IQCM: variants seen among roughly 807,000 people sequenced by gnomAD.
The protein encoded by IQCM is IQ domain-containing protein M.
A neutral mutation model predicts 57.6 loss-of-function variants in IQCM; 45 were observed. The observed-to-expected ratio is 0.78, with a 90% confidence interval of 0.62 to 1.00. The LOEUF (loss-of-function observed/expected upper bound fraction) is 1.00. IQCM is among the 50% of genes least tolerant of loss of function. IQCM has a pLI of 0.00. For synonymous variants in IQCM, 148 were observed against 158.9 expected (o/e 0.93, Z 0.51); for missense variants, 468 against 511.6 (o/e 0.91, Z 0.82).
intron 2 of IQCM, among the ~76,000 whole-genome samples, chr4:149,791,448 T>C (rs1239474696): frequency 6.6e-6 from 1 of 152,158 alleles, no homozygotes; most frequent in Non-Finnish European, 1.5e-5. Context: ...TTCCACTCTT[T>C]TCATTATTTT....
chr4:149,445,313 T>C (rs1055021194), intron 12 of IQCM, among the ~76,000 whole-genome samples: 1 of 151,868 alleles, frequency 6.6e-6, no homozygotes, highest in South Asian at 2.1e-4. Flanking sequence ...TGTAAGTTAG[T>C]TGTAACCACA....
intron 12 of IQCM, among the ~76,000 whole-genome samples, chr4:149,453,438 C>A (rs985651850): frequency 2.0e-5 from 3 of 151,574 alleles, no homozygotes; most frequent in African/African-American, 7.3e-5. Context: ...AAAAGACAAC[C>A]CATAGACTAG....
chr4:149,610,052 C>T (rs1470779608), intron 8 of IQCM, among the ~76,000 whole-genome samples: 2 of 151,856 alleles, frequency 1.3e-5, no homozygotes, highest in African/African-American at 2.4e-5. Flanking sequence ...ATAAAATCAA[C>T]TTACGAAAAT....
At chr4:149,685,615 T>C (rs1324959287) in intron 6 of IQCM, among the ~76,000 whole-genome samples, 1 of 151,490 alleles carries the variant, frequency 6.6e-6, no homozygotes, top group African/African-American at 2.4e-5. Flanking sequence ...TTGCCAGCAT[T>C]TCCTCAACTA....
intron 9 of IQCM, among the ~76,000 whole-genome samples, chr4:149,564,863 C>A (rs560326144): frequency 3.3e-5 from 5 of 152,210 alleles, no homozygotes; most frequent in Admixed American, 2.0e-4. Context: ...AACCCTAATA[C>A]AGTGACCCTA....
At chr4:149,400,508 C>T (rs1018696683) in intron 13 of IQCM, among the ~76,000 whole-genome samples, 10 of 151,904 alleles carry the variant, frequency 6.6e-5, no homozygotes, top group African/African-American at 2.2e-4. Context: ...ACATACATTC[C>T]TAACCAATAT....
chr4:149,436,248 A>G (rs146046158), intron 12 of IQCM, among the ~76,000 whole-genome samples: 3 of 152,140 alleles, frequency 2.0e-5, no homozygotes, highest in African/African-American at 7.2e-5. Context: ...CTGTGTTACA[A>G]TTATTTACCT....
intron 8 of IQCM, among the ~76,000 whole-genome samples, chr4:149,620,089 G>T (rs1334526779): frequency 1.3e-5 from 2 of 152,086 alleles, no homozygotes; most frequent in Admixed American, 1.3e-4. Flanking sequence ...CCCGGCAGGT[G>T]GAGGTTGCGG....
At chr4:149,371,544 T>C (rs1730369147) in intron 13 of IQCM, among the ~76,000 whole-genome samples, 1 of 152,206 alleles carries the variant, frequency 6.6e-6, no homozygotes, top group African/African-American at 2.4e-5. Context: ...AGAAGGCTGA[T>C]GGAATTACCT....
At chr4:149,704,478 T>A (rs1255528946) in intron 5 of IQCM, among the ~76,000 whole-genome samples, 2 of 151,882 alleles carry the variant, frequency 1.3e-5, no homozygotes, top group African/African-American at 2.4e-5. Flanking sequence ...GTGACAGAGA[T>A]CATACGGCCC....
intron 7 of IQCM, among the ~76,000 whole-genome samples, chr4:149,664,890 T>C (rs1760567617): frequency 6.6e-6 from 1 of 152,162 alleles, no homozygotes; most frequent in South Asian, 2.1e-4. Context: ...CAGCTGGCTA[T>C]GCTATGCCAG....
At chr4:149,579,752 A>G (rs143748769) in intron 9 of IQCM, among the ~76,000 whole-genome samples, 1 of 151,922 alleles carries the variant, frequency 6.6e-6, no homozygotes, top group Non-Finnish European at 1.5e-5. Context: ...GCTAAATAAC[A>G]CTTGACTTGG....
At chr4:149,783,534 C>T (rs1771805863) in intron 2 of IQCM, among the ~76,000 whole-genome samples, 1 of 152,146 alleles carries the variant, frequency 6.6e-6, no homozygotes, top group African/African-American at 2.4e-5. Flanking sequence ...AAATTCAGAT[C>T]AAGTCACTGC....
intron 12 of IQCM, among the ~76,000 whole-genome samples, chr4:149,469,803 A>T (rs1378118098): frequency 6.6e-6 from 1 of 152,256 alleles, no homozygotes; most frequent in Non-Finnish European, 1.5e-5. Context: ...GCGAGAAGAG[A>T]GTGGAGACCA....
intron 13 of IQCM, among the ~76,000 whole-genome samples, chr4:149,386,366 C>T (rs1014180861): frequency 6.6e-6 from 1 of 151,994 alleles, no homozygotes; most frequent in Non-Finnish European, 1.5e-5. Flanking sequence ...ATGTAACAAA[C>T]TCCATGTACT....
intron 8 of IQCM, among the ~76,000 whole-genome samples, chr4:149,604,625 A>G (rs775821307): frequency 4.6e-5 from 7 of 152,324 alleles, no homozygotes; most frequent in Middle Eastern, 6.8e-3. Flanking sequence ...TTTCATTTGT[A>G]TTCAACATCC....
At chr4:149,720,975 CTAGTCT>C (rs1357263864) in intron 5 of IQCM, among the ~76,000 whole-genome samples, 1 of 152,034 alleles carries the variant, frequency 6.6e-6, no homozygotes. Flanking sequence ...GTTATGGCTC[CTAGTCT>C]TAAATTCTTC....
At chr4:149,456,101 G>C (rs997237391) in intron 12 of IQCM, among the ~76,000 whole-genome samples, 7 of 152,082 alleles carry the variant, frequency 4.6e-5, no homozygotes, top group African/African-American at 1.7e-4. Context: ...TTTACTTAAT[G>C]TAAGTTTTAC....
At chr4:149,566,035 T>C (rs1750601132) in intron 9 of IQCM, among the ~76,000 whole-genome samples, 1 of 152,212 alleles carries the variant, frequency 6.6e-6, no homozygotes, top group African/African-American at 2.4e-5. Flanking sequence ...TTTGTATTTG[T>C]TTGTTTAAAT....
Sources: gnomAD v4.1 joint callset for allele counts (sites outside exome capture counted in the v4.1 genomes callset) on GRCh38, gnomAD v4.1.1 for gene constraint, MANE v1.5 for transcripts, NCBI Gene and HGNC (gene_info 2026-07-23, HGNC 2026-07-21) for gene names.